The following GRIN2B variants were observed in gnomAD, a reference collection of about 807,000 sequenced individuals.
GRIN2B encodes glutamate receptor ionotropic, NMDA 2B.
A neutral mutation model predicts 114.5 loss-of-function variants in GRIN2B; 5 were observed. The observed-to-expected ratio is 0.04, with a 90% CI of 0.02 to 0.09. The LOEUF is 0.09. GRIN2B is among the 10% of genes least tolerant of loss of function. GRIN2B has a pLI of 1.00. For missense variants in GRIN2B, 1,108 were observed against 1,943.5 expected (o/e 0.57, Z 8.08); for synonymous variants, 787 against 745.1 (o/e 1.06, Z -0.92).
chr12:13,766,598 A>T (rs1458777075), intron 3 of GRIN2B, among the ~76,000 whole-genome samples: 1 of 152,172 alleles, frequency 6.6e-6, no homozygotes, highest in African/African-American at 2.4e-5. Flanking sequence ...AGTCTAAATG[A>T]ATTATACATA....
In GRIN2B at chr12:13,549,839, T is replaced by C. The variant is rs1948388447; in HGVS notation, c.*12944A>G. 1 of 152,202 alleles carries C rather than the reference T, an allele frequency of 6.6e-6. No individual in the cohort carries two copies. Among genetic ancestry groups the C allele is most frequent in the South Asian group, 2.1e-4 (1 of 4,836 alleles). 9.4% of individuals were successfully genotyped at this position (152,202 alleles called of 1,614,324 possible). ...TTGCTTTCTTCTTGCTCTTTTTGAC[T>C]TGTCTCTGTAGATGTATGTGGAGTG... On this transcript the variant is annotated 3_prime_UTR_variant, in exon 14 of 14. Transcript: ENST00000609686.
chr12:13,707,634 A>C (rs577069204), intron 4 of GRIN2B, among the ~76,000 whole-genome samples: 1 of 152,132 alleles, frequency 6.6e-6, no homozygotes, highest in East Asian at 1.9e-4. Context: ...GATCTCTTGC[A>C]CCAGTGAACA....
chr12:13,607,012 AT>A (rs1949260223), intron 10 of GRIN2B, among the ~76,000 whole-genome samples: 1 of 149,002 alleles, frequency 6.7e-6, no homozygotes, highest in Non-Finnish European at 1.5e-5. Flanking sequence ...TGGAGTATAT[AT>A]TTTCCATGGG....
chr12:13,847,615 G>T (rs144700853), intron 3 of GRIN2B, among the ~76,000 whole-genome samples: 5 of 152,148 alleles, frequency 3.3e-5, no homozygotes, highest in African/African-American at 1.2e-4. Flanking sequence ...CACAGGAGAT[G>T]GGGGGGAGGA....
At chr12:13,881,526 T>C (rs1458102006) in intron 2 of GRIN2B, among the ~76,000 whole-genome samples, 1 of 152,194 alleles carries the variant, frequency 6.6e-6, no homozygotes, top group Non-Finnish European at 1.5e-5. Context: ...GGTTTCACAC[T>C]TTTATCCATC....
At chr12:13,807,618 T>C (rs538403459) in intron 3 of GRIN2B, among the ~76,000 whole-genome samples, 2 of 151,806 alleles carry the variant, frequency 1.3e-5, no homozygotes, top group African/African-American at 4.8e-5. Context: ...AAATTAATCT[T>C]GTCATTTAGC....
chr12:13,726,769 G>C (rs1339636924), intron 4 of GRIN2B, among the ~76,000 whole-genome samples: 1 of 151,710 alleles, frequency 6.6e-6, no homozygotes, highest in East Asian at 1.9e-4. Context: ...CCCATCACCT[G>C]AGCAATGTAC....
chr12:13,569,136 T>C, intron 12 of GRIN2B, among the ~76,000 whole-genome samples: 1 of 152,190 alleles, frequency 6.6e-6, no homozygotes, highest in South Asian at 2.1e-4. Flanking sequence ...GGTTTGATTA[T>C]AGCCTGCAAC....
At chr12:13,669,778 C>T (rs1405622657) in intron 5 of GRIN2B, among the ~76,000 whole-genome samples, 1 of 152,068 alleles carries the variant, frequency 6.6e-6, no homozygotes, top group East Asian at 1.9e-4. Context: ...TTTATTTTGC[C>T]AGTCAAAAGC....
intron 3 of GRIN2B, among the ~76,000 whole-genome samples, chr12:13,818,673 T>C (rs191843517): frequency 1.3e-3 from 200 of 152,282 alleles, no homozygotes; most frequent in Non-Finnish European, 2.3e-3. Flanking sequence ...AGAAAGTAGT[T>C]TTAAGAAGAG....
chr12:13,761,385 T>A (rs962320003), intron 3 of GRIN2B, among the ~76,000 whole-genome samples: 20 of 152,306 alleles, frequency 1.3e-4, no homozygotes, highest in African/African-American at 4.8e-4. Flanking sequence ...TTTGAGAATG[T>A]CTACAAGATT....
intron 3 of GRIN2B, among the ~76,000 whole-genome samples, chr12:13,807,967 T>C (rs957373261): frequency 6.6e-6 from 1 of 152,104 alleles, no homozygotes; most frequent in Non-Finnish European, 1.5e-5. Context: ...GGAATGAACC[T>C]TTTGACCTAG....
chr12:13,923,605 C>T (rs184206044), intron 2 of GRIN2B, among the ~76,000 whole-genome samples: 80 of 152,150 alleles, frequency 5.3e-4, no homozygotes, highest in African/African-American at 1.2e-3. Flanking sequence ...AGTTTAGAGA[C>T]GTTTACTAAA....
intron 5 of GRIN2B, among the ~76,000 whole-genome samples, chr12:13,640,207 T>C (rs1301261235): frequency 1.3e-5 from 2 of 152,064 alleles, no homozygotes; most frequent in Admixed American, 1.3e-4. Context: ...GCTATGATCA[T>C]GCCACTGTAT....
chr12:13,599,464 C>T (rs1189938746), intron 10 of GRIN2B, among the ~76,000 whole-genome samples: 4 of 152,174 alleles, frequency 2.6e-5, no homozygotes, highest in African/African-American at 7.2e-5. Flanking sequence ...AGGCTTGATG[C>T]TTTTGGCCAC....
intron 2 of GRIN2B, among the ~76,000 whole-genome samples, chr12:13,869,132 T>C (rs1009344622): frequency 6.6e-6 from 1 of 152,186 alleles, no homozygotes; most frequent in Admixed American, 6.5e-5. Flanking sequence ...TGATGATGTG[T>C]CCACCTACTT....
At chr12:13,596,582 T>C (rs1449131538) in intron 10 of GRIN2B, among the ~76,000 whole-genome samples, 1 of 152,228 alleles carries the variant, frequency 6.6e-6, no homozygotes, top group Non-Finnish European at 1.5e-5. Flanking sequence ...GAGAGTGGGA[T>C]CTTTTCCTTT....
chr12:13,942,069 T>A (rs1033553121), intron 2 of GRIN2B, among the ~76,000 whole-genome samples: 3 of 152,244 alleles, frequency 2.0e-5, no homozygotes, highest in African/African-American at 7.2e-5. Flanking sequence ...GGTCTGCTTT[T>A]ACCGTCTTCC....
chr12:13,898,801 C>T lies in GRIN2B; in HGVS notation c.-18-32575G>A, dbSNP rs534536850. On this transcript the variant is annotated intron_variant, in intron 2 of 13. Coordinates refer to ENST00000609686, the MANE Select transcript of GRIN2B (RefSeq NM_000834.5). Reference sequence around the variant, plus strand: ...CAGCACATGCCTGTAATCCCAGCTACTCAGGAGGCTGAGGCAGAAGAATTG... The same window carrying T: ...CAGCACATGCCTGTAATCCCAGCTATTCAGGAGGCTGAGGCAGAAGAATTG... 2.0e-5 allele frequency among the ~76,000 whole-genome samples: 3 copies of T among 152,348 alleles called. No individual in the cohort carries two copies. In the South Asian group the frequency reaches 6.2e-4, roughly 32 times the overall value.
Sources: allele counts gnomAD v4.1 joint callset (sites outside exome capture counted in the v4.1 genomes callset), GRCh38; gene constraint gnomAD v4.1.1; transcripts MANE v1.5; gene names NCBI Gene and HGNC (gene_info 2026-07-23, HGNC 2026-07-21).